MPPED2: variants seen among roughly 807,000 people sequenced by gnomAD.
The protein encoded by MPPED2 is metallophosphoesterase domain containing 2, also known as metallophosphoesterase MPPED2.
Under a neutral mutation model 33.0 loss-of-function variants are expected in MPPED2, and 5 were observed. That is an observed-to-expected ratio of 0.15 (90% CI 0.08 to 0.32). The LOEUF is 0.32. MPPED2 is among the 10% of genes least tolerant of loss of function. The pLI is 1.00. For synonymous variants in MPPED2, 136 were observed against 141.9 expected, an observed-to-expected ratio of 0.96 and a Z score of 0.29; for missense variants, 275 against 372.1, an observed-to-expected ratio of 0.74 and a Z score of 2.15.
In MPPED2 at chr11:30,418,187, C is replaced by T. The variant is rs530888394; in HGVS notation, c.537-554G>A. On this transcript the variant is annotated intron_variant, in intron 4 of 6. Coordinates refer to ENST00000358117, the MANE Select transcript of MPPED2 (RefSeq NM_001584.3). ...CTGGAGTGAGATTTCTGAAAAAATA[C>T]GGGGGCTCTGAAAAGTGAGAAGGAA... 1.2e-3 allele frequency among the ~76,000 whole-genome samples: 176 copies of T among 152,222 alleles called. 1 individual carries two copies. Among genetic ancestry groups the T allele is most frequent in the African/African-American group, 3.9e-3 (164 of 41,534 alleles).
intron 4 of MPPED2, among the ~76,000 whole-genome samples, chr11:30,433,433 A>G (rs573108319): frequency 2.2e-4 from 34 of 152,200 alleles, no homozygotes. Context: ...GAAACATTAC[A>G]CACAGCATCT....
chr11:30,502,492 C>T (rs982038322), intron 3 of MPPED2, among the ~76,000 whole-genome samples: 5 of 152,124 alleles, frequency 3.3e-5, no homozygotes, highest in South Asian at 4.1e-4. Flanking sequence ...AAACATTCCC[C>T]GAATGCTACT....
At chr11:30,558,203 T>C (rs574351985) in intron 2 of MPPED2, among the ~76,000 whole-genome samples, 108 of 152,262 alleles carry the variant, frequency 7.1e-4, no homozygotes, top group Non-Finnish European at 1.4e-3. Context: ...GGTAAATTTA[T>C]TAAAAAGAAA....
intron 3 of MPPED2, among the ~76,000 whole-genome samples, chr11:30,500,150 C>T (rs1952490543): frequency 6.6e-6 from 1 of 152,168 alleles, no homozygotes; most frequent in African/African-American, 2.4e-5. Flanking sequence ...AAAAGCGTCC[C>T]TGGAATGTGA....
At chr11:30,476,832 T>A (rs866722157) in intron 4 of MPPED2, among the ~76,000 whole-genome samples, 1 of 152,182 alleles carries the variant, frequency 6.6e-6, no homozygotes, top group Middle Eastern at 3.4e-3. Context: ...ACAGATCAAT[T>A]TAGGGAGAAC....
At chr11:30,572,079 G>A (rs189438630) in intron 2 of MPPED2, among the ~76,000 whole-genome samples, 430 of 152,202 alleles carry the variant, frequency 2.8e-3, no homozygotes, top group African/African-American at 9.9e-3. Flanking sequence ...TCTATGAGTC[G>A]TTCTTTATCC....
intron 4 of MPPED2, among the ~76,000 whole-genome samples, chr11:30,450,816 A>G (rs1950024579): frequency 6.6e-6 from 1 of 152,240 alleles, no homozygotes; most frequent in South Asian, 2.1e-4. Context: ...TATCGGGTAC[A>G]GATAGATTAT....
At chr11:30,492,966 C>T (rs934679907) in intron 4 of MPPED2, among the ~76,000 whole-genome samples, 1 of 152,042 alleles carries the variant, frequency 6.6e-6, no homozygotes, top group African/African-American at 2.4e-5. Context: ...TAAGATGACA[C>T]GTATACAAAA....
intron 4 of MPPED2, among the ~76,000 whole-genome samples, chr11:30,476,724 T>C (rs993143592): frequency 6.6e-6 from 1 of 152,042 alleles, no homozygotes; most frequent in Admixed American, 6.6e-5. Flanking sequence ...ATTCGAAATC[T>C]TTTTTTATTT....
intron 2 of MPPED2, among the ~76,000 whole-genome samples, chr11:30,564,932 G>A (rs1956380484): frequency 1.3e-5 from 2 of 152,202 alleles, no homozygotes; most frequent in Admixed American, 1.3e-4. Flanking sequence ...AAACAATTCA[G>A]AACCTTATCA....
At chr11:30,520,103 G>T (rs1016830055) in intron 3 of MPPED2, among the ~76,000 whole-genome samples, 2 of 152,046 alleles carry the variant, frequency 1.3e-5, no homozygotes, top group African/African-American at 4.8e-5. Context: ...TCATAAAAAC[G>T]GCAGCGAGAA....
chr11:30,433,724 C>T (rs1174109920), intron 4 of MPPED2, among the ~76,000 whole-genome samples: 2 of 152,162 alleles, frequency 1.3e-5, no homozygotes, highest in Non-Finnish European at 2.9e-5. Context: ...ATAAAAGTTT[C>T]TCTCTTTTGC....
intron 2 of MPPED2, among the ~76,000 whole-genome samples, chr11:30,545,288 G>T (rs906225046): frequency 2.0e-5 from 3 of 152,126 alleles, no homozygotes; most frequent in Non-Finnish European, 4.4e-5. Context: ...AAGAATCTAG[G>T]TATATAGTGA....
intron 2 of MPPED2, among the ~76,000 whole-genome samples, chr11:30,546,474 C>A (rs1438762518): frequency 6.6e-6 from 1 of 152,128 alleles, no homozygotes; most frequent in Non-Finnish European, 1.5e-5. Flanking sequence ...TCTGTCTTTT[C>A]TTCCTTTCCA....
intron 4 of MPPED2, among the ~76,000 whole-genome samples, chr11:30,432,864 A>T (rs1949144160): frequency 6.6e-6 from 1 of 152,224 alleles, no homozygotes; most frequent in Non-Finnish European, 1.5e-5. Context: ...GTGTCATGGT[A>T]TGGAAACAAT....
At chr11:30,533,595 A>T (rs1179263066) in intron 3 of MPPED2, among the ~76,000 whole-genome samples, 1 of 152,148 alleles carries the variant, frequency 6.6e-6, no homozygotes, top group Admixed American at 6.5e-5. Flanking sequence ...GCCAAGTGGT[A>T]GAGTGTTATC....
intron 2 of MPPED2, among the ~76,000 whole-genome samples, chr11:30,537,502 T>A (rs1266613594): frequency 6.6e-6 from 1 of 152,236 alleles, no homozygotes; most frequent in Non-Finnish European, 1.5e-5. Flanking sequence ...TATTTATTTA[T>A]TTTCTTAAAG....
At chr11:30,442,960 G>C (rs494014) in intron 4 of MPPED2, among the ~76,000 whole-genome samples, 2 of 151,814 alleles carry the variant, frequency 1.3e-5, no homozygotes, top group Non-Finnish European at 2.9e-5. Context: ...ACCACTGCAC[G>C]CCAGCCTGGT....
At chr11:30,446,552 G>A (rs529177116) in intron 4 of MPPED2, among the ~76,000 whole-genome samples, 27 of 151,732 alleles carry the variant, frequency 1.8e-4, no homozygotes, top group African/African-American at 4.3e-4. Flanking sequence ...ATGTGTGTTC[G>A]CTTGCTGCAG....
Sources: allele counts gnomAD v4.1 joint callset (sites outside exome capture counted in the v4.1 genomes callset), GRCh38; gene constraint gnomAD v4.1.1; transcripts MANE v1.5; gene names NCBI Gene and HGNC (gene_info 2026-07-23, HGNC 2026-07-21).